RGS7: variants seen among roughly 807,000 people sequenced by gnomAD.
RGS7 encodes regulator of G protein signaling 7.
RGS7 carries 27 observed loss-of-function variants against 81.1 expected under a neutral mutation model. The observed-to-expected ratio is 0.33, with a 90% CI of 0.25 to 0.46. RGS7 has a LOEUF of 0.46. Ranked by LOEUF, RGS7 falls within the 20% of genes least tolerant of loss-of-function variation. The pLI is 1.00. For synonymous variants in RGS7, 208 were observed against 207.7 expected, an observed-to-expected ratio of 1.00 and a Z score of -0.01; for missense variants, 396 against 607.4, an observed-to-expected ratio of 0.65 and a Z score of 3.66.
intron 4 of RGS7, among the ~76,000 whole-genome samples, chr1:240,976,922 TC>T (rs1684184156): frequency 7.8e-6 from 1 of 128,752 alleles, no homozygotes; most frequent in Non-Finnish European, 1.7e-5. Context: ...CTTTCTATCA[TC>T]CATCTATCAT....
chr1:241,286,412 T>C (rs1308806254), intron 2 of RGS7, among the ~76,000 whole-genome samples: 3 of 152,152 alleles, frequency 2.0e-5, no homozygotes, highest in Non-Finnish European at 4.4e-5. Context: ...TTATTACACA[T>C]ACACGCCACT....
intron 2 of RGS7, among the ~76,000 whole-genome samples, chr1:241,116,629 T>G (rs1333662381): frequency 6.6e-6 from 1 of 152,182 alleles, no homozygotes; most frequent in East Asian, 1.9e-4. Flanking sequence ...AAATTTGACC[T>G]CTATTTTTAT....
In RGS7 at chr1:240,895,655, T is replaced by C. The variant is rs1668973622; in HGVS notation, c.386-25536A>G. Among the ~76,000 whole-genome samples, 5 of 152,230 alleles carry C rather than the reference T, an allele frequency of 3.3e-5. No individual in the cohort carries two copies. In the South Asian group the frequency reaches 1.0e-3, roughly 31 times the overall value. On this transcript the variant is annotated intron_variant, in intron 6 of 18. Transcript: ENST00000440928. The stretch of plus-strand genomic sequence containing the variant: ...TGGCTGCATAGTATTCCATGGTGTA[T>C]ATGTGCCACATTTTCTTAATCCAGT...
chr1:241,168,638 T>C (rs1210708919), intron 2 of RGS7, among the ~76,000 whole-genome samples: 1 of 152,120 alleles, frequency 6.6e-6, no homozygotes, highest in African/African-American at 2.4e-5. Flanking sequence ...CGAGCCCCTA[T>C]AGAGTTAATA....
At chr1:241,090,254 T>C (rs1003862318) in intron 3 of RGS7, among the ~76,000 whole-genome samples, 1 of 152,054 alleles carries the variant, frequency 6.6e-6, no homozygotes, top group African/African-American at 2.4e-5. Context: ...CAAGCATACA[T>C]GGTCCAAGCT....
intron 18 of RGS7, among the ~76,000 whole-genome samples, chr1:240,797,682 T>C (rs1337960316): frequency 1.3e-5 from 2 of 152,132 alleles, no homozygotes; most frequent in Non-Finnish European, 2.9e-5. Context: ...GCTGAAAAAG[T>C]GGTGTCAGAT....
chr1:241,212,645 A>G (rs1441727174), intron 2 of RGS7, among the ~76,000 whole-genome samples: 1 of 152,194 alleles, frequency 6.6e-6, no homozygotes, highest in African/African-American at 2.4e-5. Flanking sequence ...GGGACCTTGG[A>G]TATCATTCAG....
At chr1:241,085,101 A>G (rs2063355812) in intron 3 of RGS7, among the ~76,000 whole-genome samples, 1 of 152,254 alleles carries the variant, frequency 6.6e-6, no homozygotes, top group African/African-American at 2.4e-5. Context: ...GGAATTGAGA[A>G]GGGAATTCTG....
chr1:241,062,387 C>T (rs900448817), intron 3 of RGS7, among the ~76,000 whole-genome samples: 3 of 152,160 alleles, frequency 2.0e-5, no homozygotes, highest in Non-Finnish European at 4.4e-5. Context: ...TCATCAAGTC[C>T]TCACTTAGTT....
rs143900617 is a variant in RGS7, at chr1:240,799,253, TTGTGTG to T, written c.*6+1382_*6+1387del. Among the ~76,000 whole-genome samples the T allele has an allele frequency of 1.0e-4, 6 of 59,254 alleles. No homozygotes were observed. In the East Asian group the frequency reaches 1.9e-3, roughly 19 times the overall value. 38.9% of individuals were successfully genotyped at this position (59,254 alleles called of 152,430 possible). On this transcript the variant is annotated intron_variant, in intron 18 of 18. Coordinates refer to ENST00000440928, the MANE Select transcript of RGS7 (RefSeq NM_001364886.1). ...AGTGTCTGAAAGTTATTATTATGGT[TTGTGTG>T]TGTGTGTGTGTGTGTGTGTGTCTAT... is the stretch of plus-strand genomic sequence containing the variant.
chr1:240,828,563 T>C (rs556697869), intron 9 of RGS7, among the ~76,000 whole-genome samples: 1 of 152,106 alleles, frequency 6.6e-6, no homozygotes, highest in African/African-American at 2.4e-5. Flanking sequence ...CCAAGGTGGA[T>C]GGATCATGAG....
chr1:241,348,167 G>T (rs2083022756), intron 2 of RGS7, among the ~76,000 whole-genome samples: 1 of 152,168 alleles, frequency 6.6e-6, no homozygotes, highest in Non-Finnish European at 1.5e-5. Context: ...TACCTCACGT[G>T]GCTAGTGGCT....
At chr1:241,004,150 T>A (rs2058567466) in intron 3 of RGS7, among the ~76,000 whole-genome samples, 4 of 152,218 alleles carry the variant, frequency 2.6e-5, no homozygotes, top group Admixed American at 2.6e-4. Flanking sequence ...AGGAGAAAGT[T>A]AAATCATTCT....
chr1:241,300,732 AGGTTTT>A (rs1476592316), intron 2 of RGS7, among the ~76,000 whole-genome samples: 1 of 152,200 alleles, frequency 6.6e-6, no homozygotes, highest in African/African-American at 2.4e-5. Flanking sequence ...ACTTGTGCAC[AGGTTTT>A]TGTGTGGACA....
In RGS7 at chr1:240,888,868, CAG is replaced by C. The variant is rs376031669; in HGVS notation, c.386-18751_386-18750del. Among the ~76,000 whole-genome samples the C allele has an allele frequency of 5.1e-4, 77 of 152,124 alleles. 1 individual carries two copies. Among genetic ancestry groups the C allele is most frequent in the Middle Eastern group, 3.4e-3 (1 of 294 alleles). On this transcript the variant is annotated intron_variant, in intron 6 of 18. Transcript: ENST00000440928. The stretch of plus-strand genomic sequence containing the variant: ...AGCTGGAGGTTAGGGAACGCGGAGG[CAG>C]AGAGAGGGAAGCAGCGGGTGCAAAG...
At chr1:241,328,030 C>T (rs966262777) in intron 2 of RGS7, among the ~76,000 whole-genome samples, 2 of 152,028 alleles carry the variant, frequency 1.3e-5, no homozygotes, top group Non-Finnish European at 2.9e-5. Context: ...AATTTATGTA[C>T]ATATTAAATT....
chr1:240,823,655 C>T (rs1288045785), intron 10 of RGS7, among the ~76,000 whole-genome samples: 1 of 152,168 alleles, frequency 6.6e-6, no homozygotes, highest in Non-Finnish European at 1.5e-5. Flanking sequence ...CCCGGCGACT[C>T]AAGAGCTGTG....
intron 2 of RGS7, among the ~76,000 whole-genome samples, chr1:241,207,238 G>C (rs1470011863): frequency 3.6e-4 from 50 of 138,892 alleles, no homozygotes; most frequent in Non-Finnish European, 1.4e-4. Flanking sequence ...AAGTCTCTTT[G>C]TTTCTTTCTT....
intron 2 of RGS7, among the ~76,000 whole-genome samples, chr1:241,337,687 G>A (rs537299903): frequency 6.6e-6 from 1 of 152,270 alleles, no homozygotes; most frequent in East Asian, 1.9e-4. Context: ...TCAAGAAGGA[G>A]CCAGAACCGT....
Sources: gnomAD v4.1 joint callset for allele counts (sites outside exome capture counted in the v4.1 genomes callset) on GRCh38, gnomAD v4.1.1 for gene constraint, MANE v1.5 for transcripts, NCBI Gene and HGNC (gene_info 2026-07-23, HGNC 2026-07-21) for gene names.